MICU3: variants seen among roughly 807,000 people sequenced by gnomAD.
MICU3 encodes mitochondrial calcium uptake 3.
In MICU3, 62 loss-of-function variants were observed where a neutral mutation model predicts 66.5. The observed-to-expected ratio is 0.93, with a 90% confidence interval of 0.76 to 1.15. The LOEUF (loss-of-function observed/expected upper bound fraction) is 1.15. MICU3 is among the 50% of genes most tolerant of loss of function. The pLI is 0.00. For missense variants in MICU3, 779 were observed against 664.4 expected (o/e 1.17, Z -1.90); for synonymous variants, 308 against 240.7 (o/e 1.28, Z -2.59).
At chr8:17,103,249 A>C (rs186676494) in intron 9 of MICU3, among the ~76,000 whole-genome samples, 236 of 152,016 alleles carry the variant, frequency 1.6e-3, no homozygotes, top group Middle Eastern at 0.01. Context: ...TCTTTATGAA[A>C]GATTAGGAAG....
At position 17,081,750 on chromosome 8, in the gene MICU3, CT is replaced by C. The variant is rs1435387230; in HGVS notation, c.694+12del. 1.1e-6 allele frequency: 1 copy of C among 937,006 alleles called. No homozygotes were observed. The allele number at this position is 937,006 out of a possible 1,614,324, so 58.0% of individuals were successfully genotyped here. Reference sequence around the variant, plus strand: ...TTATGTATTTTAACAAGTAAGTATACTTATTGCTTTTATTTCTGGATGCAGC... The same window carrying C: ...TTATGTATTTTAACAAGTAAGTATACTATTGCTTTTATTTCTGGATGCAGC... On this transcript the variant is annotated intron_variant, in intron 5 of 14. Transcript: ENST00000318063.
chr8:17,075,119 AAG>A (rs1406232699), intron 3 of MICU3, among the ~76,000 whole-genome samples: 1 of 152,100 alleles, frequency 6.6e-6, no homozygotes, highest in East Asian at 1.9e-4. Context: ...CAGCCAGATG[AAG>A]AGAGAGGGCA....
chr8:17,062,935 C>T (rs1208164628), intron 1 of MICU3, among the ~76,000 whole-genome samples: 1 of 151,092 alleles, frequency 6.6e-6, no homozygotes, highest in Non-Finnish European at 1.5e-5. Context: ...TGAATATTTT[C>T]AAGGTTGGTC....
At chr8:17,134,227 G>A in the MICU3 span, 1 of 152,154 alleles carries the variant, frequency 6.6e-6, no homozygotes, top group Non-Finnish European at 1.5e-5. Flanking sequence ...CAAATCCCAA[G>A]ATCTGCAGGG....
intron 7 of MICU3, 100 bp downstream of exon 7, chr8:17,087,135 C>A: frequency 2.5e-6 from 2 of 799,576 alleles, no homozygotes; most frequent in Non-Finnish European, 3.9e-6. Flanking sequence ...TTGAAGCTGT[C>A]CCTTTCTTGA....
intron 8 of MICU3, among the ~76,000 whole-genome samples, chr8:17,092,837 C>G (rs778666718): frequency 2.6e-4 from 40 of 151,978 alleles, no homozygotes; most frequent in Non-Finnish European, 1.9e-4. Flanking sequence ...CTGCTAGTTT[C>G]CAGAGTTGTA....
downstream of MICU3, among the ~76,000 whole-genome samples, chr8:17,123,191 C>T (rs1803304807): frequency 6.6e-6 from 1 of 151,950 alleles, no homozygotes; most frequent in Non-Finnish European, 1.5e-5. Flanking sequence ...AATGGTACAC[C>T]TTGCAATGTT....
At chr8:17,126,113 G>C (rs1163116261), downstream of MICU3, among the ~76,000 whole-genome samples, 5 of 151,674 alleles carry the variant, frequency 3.3e-5, no homozygotes, top group African/African-American at 4.8e-5. Context: ...GGGAGATCCA[G>C]GGGGATGAGT....
intron 12 of MICU3, 81 bp from the exon 13 acceptor site, chr8:17,116,359 ACTT>A: frequency 1.1e-6 from 1 of 903,120 alleles, no homozygotes. Flanking sequence ...TTAGAAAACA[ACTT>A]CTTTTACAAC....
chr8:17,068,768 T>C (rs1325900350), intron 2 of MICU3, among the ~76,000 whole-genome samples: 2 of 152,186 alleles, frequency 1.3e-5, no homozygotes, highest in African/African-American at 4.8e-5. Context: ...TTTTTTGTAA[T>C]TTTGAATTTG....
intron 3 of MICU3, among the ~76,000 whole-genome samples, chr8:17,073,453 C>A (rs1223237379): frequency 2.6e-5 from 4 of 151,938 alleles, no homozygotes; most frequent in African/African-American, 4.8e-5. Context: ...CTCCCATCAC[C>A]CCCAGATAGG....
At chr8:17,118,860 C>G (rs941808257) in intron 14 of MICU3, 85 bp downstream of exon 14, 7 of 762,282 alleles carry the variant, frequency 9.2e-6, no homozygotes, top group African/African-American at 5.4e-5. Context: ...TAGAAAATAG[C>G]TGAAAGAAAT....
downstream of MICU3, among the ~76,000 whole-genome samples, chr8:17,125,880 A>G (rs1039699576): frequency 6.6e-6 from 1 of 151,946 alleles, no homozygotes; most frequent in Non-Finnish European, 1.5e-5. Context: ...AAATACAAAA[A>G]TTAGCCAGGT....
At chr8:17,073,140 C>A (rs1345115937) in intron 3 of MICU3, among the ~76,000 whole-genome samples, 1 of 152,112 alleles carries the variant, frequency 6.6e-6, no homozygotes, top group African/African-American at 2.4e-5. Context: ...TTTGGCAATA[C>A]CTAATAATGT....
chr8:17,044,193 G>A (rs774622733), intron 1 of MICU3, among the ~76,000 whole-genome samples: 43 of 152,134 alleles, frequency 2.8e-4, no homozygotes, highest in Non-Finnish European at 4.9e-4. Flanking sequence ...TCAGTAGAGT[G>A]GTCAAAATGG....
chr8:17,125,720 C>T (rs918058614), downstream of MICU3, among the ~76,000 whole-genome samples: 31 of 152,198 alleles, frequency 2.0e-4, no homozygotes, highest in African/African-American at 6.7e-4. Flanking sequence ...TCAATCCTCT[C>T]TTCTCCTTGT....
intron 1 of MICU3, among the ~76,000 whole-genome samples, chr8:17,034,872 G>T (rs1044919117): frequency 1.3e-5 from 2 of 152,200 alleles, no homozygotes; most frequent in African/African-American, 2.4e-5. Context: ...CAAAGATTTG[G>T]AATATTCCAT....
chr8:17,059,217 A>G (rs945924350), intron 1 of MICU3, among the ~76,000 whole-genome samples: 11 of 152,214 alleles, frequency 7.2e-5, no homozygotes, highest in African/African-American at 2.7e-4. Flanking sequence ...CACATTTTAA[A>G]TATTTGTTTG....
chr8:17,049,699 T>C (rs977037825), intron 1 of MICU3: 1 of 504,956 alleles, frequency 2.0e-6, no homozygotes, highest in Admixed American at 2.0e-5. Flanking sequence ...GGGTTGTGTG[T>C]TGTAATACTG....
Sources: gnomAD v4.1 joint callset for allele counts (sites outside exome capture counted in the v4.1 genomes callset) on GRCh38, gnomAD v4.1.1 for gene constraint, MANE v1.5 for transcripts, NCBI Gene and HGNC (gene_info 2026-07-23, HGNC 2026-07-21) for gene names.